The following POC1B variants were observed in gnomAD, a reference collection of about 807,000 sequenced individuals.
POC1B encodes the protein POC1 centriolar protein B, also known as POC1 centriolar protein homolog B.
POC1B carries 44 observed loss-of-function variants against 60.6 expected under a neutral mutation model. The ratio of observed to expected loss-of-function variants is 0.73; its 90% CI spans 0.57 to 0.93. The LOEUF is 0.93. POC1B is among the 40% of genes least tolerant of loss of function. The pLI is 0.00. For missense variants in POC1B, 555 were observed against 572.3 expected (o/e 0.97, Z 0.31); for synonymous variants, 180 against 198.9 (o/e 0.90, Z 0.80).
At chr12:89,504,476 G>A (rs1315153316) in intron 2 of POC1B, among the ~76,000 whole-genome samples, 1 of 151,940 alleles carries the variant, frequency 6.6e-6, no homozygotes, top group East Asian at 1.9e-4. Context: ...GCGGAAGGCC[G>A]CAGGGTCCTC....
intron 10 of POC1B, among the ~76,000 whole-genome samples, chr12:89,446,006 C>T (rs181344476): frequency 1.3e-5 from 2 of 152,334 alleles, no homozygotes; most frequent in East Asian, 3.9e-4. Context: ...TGAAAAAATG[C>T]TCATCATCAC....
chr12:89,477,172 C>T (rs1883155876), intron 4 of POC1B, among the ~76,000 whole-genome samples: 1 of 152,070 alleles, frequency 6.6e-6, no homozygotes, highest in Admixed American at 6.5e-5. Context: ...TCAGAGTTTG[C>T]GCTGATAGAA....
chr12:89,519,776 A>G (rs927595384), intron 2 of POC1B: 8 of 146,812 alleles, frequency 5.4e-5, no homozygotes, highest in Non-Finnish European at 1.2e-4. Flanking sequence ...AGTTATTTTG[A>G]GTTATAGGGA....
intron 3 of POC1B, among the ~76,000 whole-genome samples, chr12:89,494,593 G>A (rs996584674): frequency 5.9e-5 from 9 of 152,196 alleles, no homozygotes; most frequent in African/African-American, 1.4e-4. Flanking sequence ...AGGAGGTGGA[G>A]TCTGTTTATT....
intron 10 of POC1B, among the ~76,000 whole-genome samples, chr12:89,449,771 T>C (rs971014739): frequency 6.6e-6 from 1 of 152,036 alleles, no homozygotes; most frequent in Non-Finnish European, 1.5e-5. Flanking sequence ...TCTACAATGA[T>C]TAAAAAGGTA....
intron 2 of POC1B, chr12:89,523,230 A>G (rs1386836068): frequency 6.2e-7 from 1 of 1,613,926 alleles, no homozygotes; most frequent in Non-Finnish European, 8.5e-7. Context: ...AGCCTGGTCT[A>G]TCCTCTGGAA....
chr12:89,462,024 G>A (rs1487575946), intron 9 of POC1B, among the ~76,000 whole-genome samples: 1 of 151,998 alleles, frequency 6.6e-6, no homozygotes, highest in Non-Finnish European at 1.5e-5. Flanking sequence ...ATCTGAAATT[G>A]AAACTGCTCA....
At chr12:89,496,029 G>A (rs2135741888) in intron 3 of POC1B, among the ~76,000 whole-genome samples, 1 of 152,254 alleles carries the variant, frequency 6.6e-6, no homozygotes, top group Middle Eastern at 3.4e-3. Context: ...CCAAAGTGCT[G>A]TGATTACAGG....
intron 10 of POC1B, among the ~76,000 whole-genome samples, chr12:89,430,228 A>C (rs906936672): frequency 6.6e-6 from 1 of 152,222 alleles, no homozygotes; most frequent in Non-Finnish European, 1.5e-5. Flanking sequence ...GATCTGACTG[A>C]TGCAAAGAAC....
At chr12:89,413,313 C>A in the POC1B span, among the ~76,000 whole-genome samples, 1 of 152,052 alleles carries the variant, frequency 6.6e-6, no homozygotes. Context: ...TCAAGCAATC[C>A]CCCTGCCTCG....
intron 4 of POC1B, among the ~76,000 whole-genome samples, chr12:89,479,672 G>A (rs1883246680): frequency 6.6e-6 from 1 of 151,474 alleles, no homozygotes; most frequent in Non-Finnish European, 1.5e-5. Context: ...ATAAGCTTGG[G>A]CTCCAAGAAC....
intron 1 of POC1B, 63 bp from the exon 2 acceptor site, chr12:89,525,267 T>A (rs1871352045): frequency 6.4e-7 from 1 of 1,551,094 alleles, no homozygotes; most frequent in African/African-American, 1.4e-5. Context: ...GCGGCTGGGA[T>A]CCACGCTGCC....
At position 89,480,595 on chromosome 12, in the gene POC1B, A is replaced by ATTTT. The variant is rs765505677; in HGVS notation, c.453-8324_453-8321dup. 1.6e-4 allele frequency among the ~76,000 whole-genome samples: 11 copies of ATTTT among 69,874 alleles called. No homozygotes were observed. In the South Asian group the frequency reaches 3.9e-3, roughly 25 times the overall value. 45.8% of individuals were successfully genotyped at this position (69,874 alleles called of 152,430 possible). On this transcript the variant is annotated intron_variant, in intron 4 of 11. Coordinates refer to ENST00000313546, the MANE Select transcript of POC1B (RefSeq NM_172240.3). ...GCCACCATGCCTGGCTAATTTTTGT[A>ATTTT]TTTTTTTTTTTTTTTTTTTTTTTTG... is the stretch of plus-strand genomic sequence containing the variant.
intron 9 of POC1B, 182 bp from the exon 10 acceptor site, chr12:89,459,900 A>G: frequency 2.0e-6 from 1 of 495,986 alleles, no homozygotes; most frequent in Non-Finnish European, 3.6e-6. Context: ...ATCAACGTAT[A>G]AGAAAAGATC....
chr12:89,514,946 C>T (rs1217257907), intron 2 of POC1B, among the ~76,000 whole-genome samples: 3 of 152,138 alleles, frequency 2.0e-5, no homozygotes, highest in Non-Finnish European at 4.4e-5. Context: ...TACCACTGAG[C>T]CACATCACCC....
intron 4 of POC1B, among the ~76,000 whole-genome samples, chr12:89,487,664 A>T (rs1868712144): frequency 6.6e-6 from 1 of 152,200 alleles, no homozygotes; most frequent in Admixed American, 6.5e-5. Flanking sequence ...TTCTGACCAC[A>T]GCTGAATAAT....
chr12:89,500,619 C>T (rs2135746677), intron 2 of POC1B: 2 of 1,591,716 alleles, frequency 1.3e-6, no homozygotes, highest in East Asian at 4.5e-5. Context: ...GTTATTCCAT[C>T]TAGTGCCCAA....
At chr12:89,499,330 T>C (rs1869426395) in intron 2 of POC1B, among the ~76,000 whole-genome samples, 1 of 152,060 alleles carries the variant, frequency 6.6e-6, no homozygotes, top group Non-Finnish European at 1.5e-5. Flanking sequence ...ATGGCAACAA[T>C]AGCCACTGGG....
Position 89,523,148 on chromosome 12 carries a change from T to C in POC1B, c.100+1972A>G, listed in dbSNP as rs1871056987. On this transcript the variant is annotated intron_variant, in intron 2 of 11. Transcript: ENST00000313546. ...CCAAACAGTGAAAGGTTAGCACCTG[T>C]GGGGTTGTTGTCAGGAGAATTATAA... The C allele has an allele frequency of 1.9e-6, 3 of 1,613,618 alleles. No individual in the cohort carries two copies. In the African/African-American group the frequency reaches 4.0e-5, roughly 22 times the overall value.
Sources: allele counts gnomAD v4.1 joint callset (sites outside exome capture counted in the v4.1 genomes callset), GRCh38; gene constraint gnomAD v4.1.1; transcripts MANE v1.5; gene names NCBI Gene and HGNC (gene_info 2026-07-23, HGNC 2026-07-21).